Variants in SLC26A4 observed in about 807,000 individuals in gnomAD.
SLC26A4 encodes the protein solute carrier family 26 member 4.
In SLC26A4, 93 loss-of-function variants were observed where a neutral mutation model predicts 90.4. The ratio of observed to expected loss-of-function variants is 1.03; its 90% CI spans 0.87 to 1.22. The LOEUF is 1.22. SLC26A4 is among the 50% of genes most tolerant of loss of function. The pLI, the probability that SLC26A4 is intolerant of heterozygous loss-of-function variation, is 0.00. For missense variants in SLC26A4, 1,127 were observed against 946.2 expected, an observed-to-expected ratio of 1.19 and a Z score of -2.51; for synonymous variants, 393 against 354.6, an observed-to-expected ratio of 1.11 and a Z score of -1.22.
intron 13 of SLC26A4, among the ~76,000 whole-genome samples, chr7:107,697,578 A>T (rs936569253): frequency 2.0e-5 from 3 of 152,212 alleles, no homozygotes; most frequent in Non-Finnish European, 4.4e-5. Context: ...ATAAAAAATG[A>T]CTAAGTCACA....
At chr7:107,672,018 T>G (rs755297936) in intron 3 of SLC26A4, 120 bp from the exon 4 acceptor site, 42 of 717,944 alleles carry the variant, frequency 5.9e-5, no homozygotes, top group Non-Finnish European at 1.1e-4. Flanking sequence ...TTCTACTGAA[T>G]GCATATTGCT....
At chr7:107,672,859 A>G (rs967309066) in intron 4 of SLC26A4, among the ~76,000 whole-genome samples, 1 of 152,222 alleles carries the variant, frequency 6.6e-6, no homozygotes, top group Non-Finnish European at 1.5e-5. Context: ...AGAATGTCCT[A>G]GTAAATGAGT....
intron 3 of SLC26A4, among the ~76,000 whole-genome samples, chr7:107,669,772 C>G (rs1181144139): frequency 6.6e-6 from 1 of 152,172 alleles, no homozygotes; most frequent in Non-Finnish European, 1.5e-5. Context: ...AAAAATACCT[C>G]CACTACAAAC....
chr7:107,676,860 G>A (rs182349948), intron 6 of SLC26A4, among the ~76,000 whole-genome samples: 86 of 152,218 alleles, frequency 5.6e-4, no homozygotes, highest in Non-Finnish European at 1.1e-3. Context: ...ATAGACAGAG[G>A]AGGCAGAATA....
Position 107,689,177 on chromosome 7 carries a change from G to T in SLC26A4, c.1126G>T (p.Asp376Tyr), listed in dbSNP as rs577393874. The T allele has an allele frequency of 6.2e-7, 1 of 1,613,806 alleles. No homozygotes were observed. The highest frequency in any genetic ancestry group is 1.3e-5 in the African/African-American group (1 of 75,004). Residue 376 changes from aspartate (D) to tyrosine (Y), a missense_variant, in exon 9 of 21, where the codon GAT (aspartate) becomes TAT (tyrosine). Coordinates refer to ENST00000644269, the MANE Select transcript of SLC26A4 (RefSeq NM_000441.2). Reference protein sequence around the residue: ...SVGKVYATKYDYTIDGNQEFI... With the variant: ...SVGKVYATKYYYTIDGNQEFI... ...AGGAAAAGTATATGCCACCAAGTAT[G>T]ATTACACCATCGATGGGAACCAGGT...
At chr7:107,673,499 A>C (rs1056089608) in intron 4 of SLC26A4, among the ~76,000 whole-genome samples, 7 of 152,026 alleles carry the variant, frequency 4.6e-5, no homozygotes, top group Non-Finnish European at 1.0e-4. Flanking sequence ...ATAAAAGTTG[A>C]GCGGAACAAG....
At chr7:107,696,170 T>C in intron 13 of SLC26A4, 131 bp downstream of exon 13, 1 of 738,844 alleles carries the variant, frequency 1.4e-6, no homozygotes, top group Non-Finnish European at 2.5e-6. Flanking sequence ...CTTCTATGCA[T>C]TAAGCAGACA....
At position 107,663,305 on chromosome 7, in the gene SLC26A4, A is replaced by G. The variant is rs1235629660; in HGVS notation, c.174A>G (p.Arg58=). Residue 58 remains arginine (R), a synonymous_variant, in exon 3 of 21, where the codon AGA becomes AGG. Coordinates refer to ENST00000644269, the MANE Select transcript of SLC26A4 (RefSeq NM_000441.2). ...TCTTGCTTTTTGACAGTTGTTCAAG[A>G]AAGAGAGCCTTTGGTGTGCTAAAGA... ...ESLAKCCSCS[R]KRAFGVLKTL... 6.2e-7 allele frequency: 1 copy of G among 1,614,224 alleles called. No homozygotes were observed. The highest frequency in any genetic ancestry group is 1.1e-5 in the South Asian group (1 of 91,088).
At chr7:107,665,976 C>T (rs7799849) in intron 3 of SLC26A4, among the ~76,000 whole-genome samples, 29,167 of 152,020 alleles carry the variant, frequency 0.19, 3,548 homozygotes, top group African/African-American at 0.35. Context: ...AGTTACACAT[C>T]CATTTATCAT....
chr7:107,701,191 A>C lies in SLC26A4; in HGVS notation c.1798A>C (p.Thr600Pro), dbSNP rs1360641820. The C allele has an allele frequency of 6.3e-7, 1 of 1,588,366 alleles. No homozygotes were observed. The highest frequency in any genetic ancestry group is 2.2e-5 in the East Asian group (1 of 44,744). ...AATAAAAAGTGGACAATTAAGAGCA[A>C]CAAAGGTGAGATGACATCTTTCTTT... ...KLIKSGQLRA[T>P]KNGIISDAVS... Residue 600 changes from threonine to proline, a missense_variant, in exon 16 of 21, where the codon ACA (threonine) becomes CCA (proline). Thr to Pro is a conservative substitution (Grantham distance 38). Transcript: ENST00000644269.
chr7:107,674,011 G>C (rs1297011784), intron 4 of SLC26A4, among the ~76,000 whole-genome samples, 153 bp from the exon 5 acceptor site: 1 of 152,210 alleles, frequency 6.6e-6, no homozygotes, highest in African/African-American at 2.4e-5. Context: ...GGTTACAGAT[G>C]TGAGCCACTG....
chr7:107,685,290 T>C (rs1392965844), intron 8 of SLC26A4, among the ~76,000 whole-genome samples: 2 of 152,124 alleles, frequency 1.3e-5, no homozygotes, highest in Non-Finnish European at 2.9e-5. Flanking sequence ...CTGATCTCAC[T>C]TGGTAGCACA....
intron 10 of SLC26A4, among the ~76,000 whole-genome samples, chr7:107,691,548 C>CATATAT (rs35766469): frequency 5.1e-4 from 73 of 144,110 alleles, no homozygotes; most frequent in African/African-American, 1.8e-3. Flanking sequence ...CACACACAAA[C>CATATAT]ATATATATAT....
chr7:107,704,898 A>G (rs1030240948), intron 18 of SLC26A4, among the ~76,000 whole-genome samples: 2 of 152,232 alleles, frequency 1.3e-5, no homozygotes, highest in East Asian at 1.9e-4. Flanking sequence ...AAACTTTAGC[A>G]TGAGTGACTC....
Position 107,683,245 on chromosome 7 carries a change from C to T in SLC26A4, c.809C>T (p.Ala270Val). The change falls in exon 7 of 21, where the codon GCT (alanine) becomes GTT (valine). Residue 270 changes from alanine to valine, a missense_variant. Transcript: ENST00000644269. ...IFQNIGDTNL[A>V]DFTAGLLTIV... Reference sequence around the variant, plus strand: ...CAAAATATTGGTGATACCAATCTTGCTGATTTCACTGCTGGATTGCTCACC... The same window carrying T: ...CAAAATATTGGTGATACCAATCTTGTTGATTTCACTGCTGGATTGCTCACC... 1.9e-6 allele frequency: 3 copies of T among 1,612,640 alleles called. No homozygotes were observed. Among genetic ancestry groups the T allele is most frequent in the Non-Finnish European group, 2.5e-6 (3 of 1,179,506 alleles).
Position 107,665,427 on chromosome 7 carries a change from C to A in SLC26A4, c.304+1992C>A, listed in dbSNP as rs761114373. 3.6e-4 allele frequency among the ~76,000 whole-genome samples: 55 copies of A among 151,960 alleles called. No homozygotes were observed. In the Middle Eastern group the frequency reaches 0.021, roughly 57 times the overall value. On this transcript the variant is annotated intron_variant, in intron 3 of 20. Transcript: ENST00000644269. ...GTGTGGTTCCTAAGTTAAACAATGC[C>A]AAGTATTCTACACTGTGCTCTAAGG...
chr7:107,665,970 A>G (rs1447097031), intron 3 of SLC26A4, among the ~76,000 whole-genome samples: 1 of 152,182 alleles, frequency 6.6e-6, no homozygotes, highest in Non-Finnish European at 1.5e-5. Context: ...TGGCTCAGTT[A>G]CACATCCATT....
Position 107,674,168 on chromosome 7 carries a change from T to C in SLC26A4, c.420T>C (p.Pro140=). ...TTAGAGACTTTTTTTCCCCAGGACC[T>C]TTTCCAGTGGTGAGTTTAATGGTGG... The part of the protein sequence containing the change: ...FGTSRHISVG[P]FPVVSLMVGS... The change falls in exon 5 of 21, where the codon CCT becomes CCC. Residue 140 remains proline (P), a synonymous_variant. Transcript: ENST00000644269. The C allele has an allele frequency of 6.2e-7, 1 of 1,613,526 alleles. No individual in the cohort carries two copies. The highest frequency in any genetic ancestry group is 8.5e-7 in the Non-Finnish European group (1 of 1,179,472).
chr7:107,684,925 T>C (rs1418760157), intron 8 of SLC26A4, among the ~76,000 whole-genome samples: 2 of 152,188 alleles, frequency 1.3e-5, no homozygotes, highest in Admixed American at 1.3e-4. Context: ...CCATCCGTGT[T>C]CCATTAGTTG....
Sources: gnomAD v4.1 joint callset for allele counts (sites outside exome capture counted in the v4.1 genomes callset) on GRCh38, gnomAD v4.1.1 for gene constraint, MANE v1.5 for transcripts, NCBI Gene and HGNC (gene_info 2026-07-23, HGNC 2026-07-21) for gene names.